The following ZNF565 variants were observed in gnomAD, a reference collection of about 807,000 sequenced individuals.
ZNF565 encodes zinc finger protein 565.
A neutral mutation model predicts 39.4 loss-of-function variants in ZNF565; 27 were observed. The observed-to-expected ratio is 0.69, with a 90% CI of 0.51 to 0.95. ZNF565 has a LOEUF of 0.95. ZNF565 is among the 40% of genes least tolerant of loss of function. The probability of loss-of-function intolerance (pLI) is 0.00; values close to 1 mark genes in which losing one functional copy is unlikely to be tolerated. For missense variants in ZNF565, 524 were observed against 621.1 expected (o/e 0.84, Z 1.66); for synonymous variants, 185 against 216.6 (o/e 0.85, Z 1.28).
At chr19:36,207,638 A>G (rs1976206760) in intron 1 of ZNF565, among the ~76,000 whole-genome samples, 1 of 152,150 alleles carries the variant, frequency 6.6e-6, no homozygotes, top group Non-Finnish European at 1.5e-5. Flanking sequence ...AGTGTGGAAG[A>G]CATTACTATG....
At chr19:36,215,774 C>G (rs1367448980), upstream of ZNF565, among the ~76,000 whole-genome samples, 1 of 151,952 alleles carries the variant, frequency 6.6e-6, no homozygotes, top group African/African-American at 2.4e-5. Context: ...TAAGCAAAGC[C>G]CTAGACTAAA....
At chr19:36,217,401 A>G (rs1296114053), upstream of ZNF565, among the ~76,000 whole-genome samples, 1 of 151,866 alleles carries the variant, frequency 6.6e-6, no homozygotes, top group Non-Finnish European at 1.5e-5. Flanking sequence ...GAGAGAGAGA[A>G]GAAAGAAAAG....
chr19:36,194,149 G>T, intron 4 of ZNF565, 84 bp downstream of exon 4: 1 of 1,151,432 alleles, frequency 8.7e-7, no homozygotes. Context: ...AGGGCTTTGA[G>T]GGAACTTCCC....
chr19:36,212,317 A>G (rs1323556445), intron 1 of ZNF565, among the ~76,000 whole-genome samples: 2 of 152,198 alleles, frequency 1.3e-5, no homozygotes, highest in Non-Finnish European at 2.9e-5. Context: ...AGGAGTTACA[A>G]AAAGGAAAAT....
chr19:36,229,638 T>A (rs770563792), intron 1 of ZNF565, among the ~76,000 whole-genome samples: 6 of 152,248 alleles, frequency 3.9e-5, no homozygotes, highest in Non-Finnish European at 7.3e-5. Flanking sequence ...TTTTTCCTTT[T>A]CATATAAATG....
At chr19:36,236,397 T>C in intron 1 of ZNF565, 1 of 1,543,894 alleles carries the variant, frequency 6.5e-7, no homozygotes, top group Non-Finnish European at 8.7e-7. Flanking sequence ...CAAGAAATTT[T>C]TACTGGAGAG....
rs1975122117 is a variant in ZNF565, at chr19:36,182,574, T to C, written c.1392A>G (p.Glu464=). Reference sequence around the variant, plus strand: ...TGATACCAGGATGAATTCTCTGATGTTCGGTAAGTTGTGAACTACGAATAA... The same window carrying C: ...TGATACCAGGATGAATTCTCTGATGCTCGGTAAGTTGTGAACTACGAATAA... ...MAFIRSSQLT[E]HQRIHPGIKP... Residue 464 remains glutamate, a synonymous_variant, in exon 5 of 5, where the codon GAA becomes GAG. Transcript: ENST00000304116. 1 of 1,614,076 alleles carries C rather than the reference T, an allele frequency of 6.2e-7. No homozygotes were observed. Among genetic ancestry groups the C allele is most frequent in the Non-Finnish European group, 8.5e-7 (1 of 1,179,964 alleles).
rs530549880 is a variant in ZNF565, at chr19:36,220,106, C to T, written c.56-18056G>A. 1.1e-4 allele frequency among the ~76,000 whole-genome samples: 17 copies of T among 152,276 alleles called. No homozygotes were observed. In the South Asian group the frequency reaches 1.2e-3, roughly 11 times the overall value. On this transcript the variant is annotated intron_variant, in intron 1 of 4. Coordinates refer to the ZNF565 transcript ENST00000355114. ...TCCTGCACTGCAGGCTTGTATCTTC[C>T]TCCCAGACTTGGAATTGACCATTTC...
At chr19:36,205,943 T>C (rs1976134160) in intron 1 of ZNF565, among the ~76,000 whole-genome samples, 1 of 151,682 alleles carries the variant, frequency 6.6e-6, no homozygotes, top group Admixed American at 6.6e-5. Context: ...CTGTCCCAGT[T>C]GATCTCACAT....
chr19:36,194,362 A>T (rs371917326), intron 3 of ZNF565, 34 bp from the exon 4 acceptor site: 64 of 1,538,956 alleles, frequency 4.2e-5, no homozygotes, highest in Non-Finnish European at 5.6e-5. Context: ...GTGTGATCAG[A>T]CCGCTCCAAA....
At chr19:36,192,135 C>T (rs1248538096) in intron 4 of ZNF565, among the ~76,000 whole-genome samples, 4 of 151,840 alleles carry the variant, frequency 2.6e-5, no homozygotes, top group Non-Finnish European at 4.4e-5. Context: ...ACTACAGGCA[C>T]CCGCCACCAC....
chr19:36,183,325 T>C lies in ZNF565; in HGVS notation c.641A>G (p.Gln214Arg). The C allele has an allele frequency of 1.2e-6, 2 of 1,614,202 alleles. No homozygotes were observed. The highest frequency in any genetic ancestry group is 1.7e-6 in the Non-Finnish European group (2 of 1,180,034). Residue 214 changes from glutamine (Q) to arginine (R), a missense_variant, in exon 5 of 5, where the codon CAG becomes CGG. Transcript: ENST00000304116. ...AGGTTTCTCACCCGTGTGAATTCTC[T>C]GATGCTGAACAAGGTGTGAGGCACG... ...FSRASHLVQH[Q>R]RIHTGEKPYD...
At position 36,182,892 on chromosome 19, in the gene ZNF565, A is replaced by G. The variant is rs753196090; in HGVS notation, c.1074T>C (p.Ser358=). 1.2e-6 allele frequency: 2 copies of G among 1,613,982 alleles called. No individual in the cohort carries two copies. Among genetic ancestry groups the G allele is most frequent in the Admixed American group, 1.7e-5 (1 of 59,968 alleles). The stretch of plus-strand genomic sequence containing the variant: ...CCTTACACTCATAGGGTTTCTCCCC[A>G]GAATGAATTCTTTGATGTCGAGTAA... ...SEVTRHQRIH[S]GEKPYECKEC... Residue 358 remains serine, a synonymous_variant, in exon 5 of 5, where the codon TCT becomes TCC. Transcript: ENST00000304116.
At chr19:36,195,872 T>C (rs1975741210) in intron 2 of ZNF565, among the ~76,000 whole-genome samples, 1 of 149,874 alleles carries the variant, frequency 6.7e-6, no homozygotes, top group Admixed American at 6.7e-5. Context: ...GAGGTTAAAA[T>C]TGATGAGTAG....
At chr19:36,205,409 C>A (rs1976116201) in intron 1 of ZNF565, among the ~76,000 whole-genome samples, 1 of 151,988 alleles carries the variant, frequency 6.6e-6, no homozygotes, top group South Asian at 2.1e-4. Flanking sequence ...CGCTTATAAT[C>A]CCAGCTACTC....
At chr19:36,242,930 A>G (rs965742900) in intron 1 of ZNF565, among the ~76,000 whole-genome samples, 2 of 152,158 alleles carry the variant, frequency 1.3e-5, no homozygotes, top group African/African-American at 4.8e-5. Flanking sequence ...TTTGTATTTC[A>G]AATAATTTTA....
intron 4 of ZNF565, among the ~76,000 whole-genome samples, chr19:36,192,345 A>C (rs1322776071): frequency 6.6e-6 from 1 of 152,182 alleles, no homozygotes; most frequent in South Asian, 2.1e-4. Context: ...AGAAGAACAT[A>C]ACATCACTTC....
At chr19:36,187,637 T>C (rs546553595) in intron 4 of ZNF565, among the ~76,000 whole-genome samples, 2 of 148,486 alleles carry the variant, frequency 1.3e-5, no homozygotes, top group Non-Finnish European at 3.0e-5. Flanking sequence ...ATTACAGGCA[T>C]GAGCCATGGT....
At chr19:36,216,218 G>A (rs1204708931), upstream of ZNF565, among the ~76,000 whole-genome samples, 1 of 152,078 alleles carries the variant, frequency 6.6e-6, no homozygotes, top group Non-Finnish European at 1.5e-5. Flanking sequence ...TATTGTGGAA[G>A]AAACTTAAAG....
Sources: gnomAD v4.1 joint callset for allele counts (sites outside exome capture counted in the v4.1 genomes callset) on GRCh38, gnomAD v4.1.1 for gene constraint, MANE v1.5 for transcripts, NCBI Gene and HGNC (gene_info 2026-07-23, HGNC 2026-07-21) for gene names.